Variants in ITPR1 observed in about 807,000 individuals in gnomAD.
ITPR1 encodes the protein inositol 1,4,5-trisphosphate receptor type 1.
A neutral mutation model predicts 318.4 loss-of-function variants in ITPR1; 96 were observed. The observed-to-expected ratio is 0.30, with a 90% CI of 0.26 to 0.36. The LOEUF is 0.36. Among genes scored for constraint, ITPR1 ranks in the 10% least tolerant of loss-of-function variants. The pLI, the probability that ITPR1 is intolerant of heterozygous loss-of-function variation, is 1.00. For missense variants in ITPR1, 2,440 were observed against 3,460.2 expected (o/e 0.71, Z 7.40); for synonymous variants, 1,312 against 1,289.9 (o/e 1.02, Z -0.37).
chr3:4,500,702 GT>G (rs1249061334), intron 2 of ITPR1, among the ~76,000 whole-genome samples: 1 of 152,088 alleles, frequency 6.6e-6, no homozygotes, highest in Non-Finnish European at 1.5e-5. Flanking sequence ...TTAAAAATTG[GT>G]TTTGGGTTTA....
At chr3:4,794,989 G>A (rs1190311670) in intron 52 of ITPR1, 76 bp from the exon 53 acceptor site, 25 of 1,465,544 alleles carry the variant, frequency 1.7e-5, no homozygotes, top group Admixed American at 9.3e-5. Context: ...CAGAGCTGGC[G>A]GAAGGGCCAC....
At chr3:4,570,862 C>G (rs937733241) in intron 4 of ITPR1, among the ~76,000 whole-genome samples, 1 of 152,184 alleles carries the variant, frequency 6.6e-6, no homozygotes, top group Non-Finnish European at 1.5e-5. Context: ...CATAGCAGTT[C>G]CAAAACCTCA....
chr3:4,593,083 C>T (rs2090516527), intron 4 of ITPR1, among the ~76,000 whole-genome samples: 1 of 152,126 alleles, frequency 6.6e-6, no homozygotes, highest in Non-Finnish European at 1.5e-5. Context: ...TTCAGCTCTT[C>T]TTTTTGTGTG....
intron 44 of ITPR1, among the ~76,000 whole-genome samples, chr3:4,753,110 T>C (rs2044670798): frequency 6.6e-6 from 1 of 152,168 alleles, no homozygotes. Flanking sequence ...CAAGAGTATT[T>C]CAGAAGAGGG....
At chr3:4,711,028 A>G (rs1268255811) in intron 38 of ITPR1, among the ~76,000 whole-genome samples, 1 of 152,120 alleles carries the variant, frequency 6.6e-6, no homozygotes, top group East Asian at 1.9e-4. Flanking sequence ...CCTGGCCAAC[A>G]TGGTGAAACC....
intron 4 of ITPR1, among the ~76,000 whole-genome samples, chr3:4,541,250 T>C (rs1559413114): frequency 6.6e-6 from 1 of 152,248 alleles, no homozygotes; most frequent in Non-Finnish European, 1.5e-5. Context: ...TCAAGCACAT[T>C]CTTAGAATTT....
At chr3:4,814,909 G>C in intron 58 of ITPR1, 144 bp from the exon 59 acceptor site, 1 of 721,472 alleles carries the variant, frequency 1.4e-6, no homozygotes, top group East Asian at 2.5e-5. Flanking sequence ...GACATGAAAA[G>C]AGATGCAGTT....
intron 44 of ITPR1, among the ~76,000 whole-genome samples, chr3:4,766,174 A>G (rs1186783831): frequency 1.3e-5 from 2 of 152,094 alleles, no homozygotes; most frequent in African/African-American, 4.8e-5. Flanking sequence ...CCCTGCAGTA[A>G]TCCCCCCAGA....
intron 32 of ITPR1, among the ~76,000 whole-genome samples, chr3:4,692,241 C>G (rs2094491943): frequency 6.6e-6 from 1 of 151,822 alleles, no homozygotes; most frequent in Non-Finnish European, 1.5e-5. Flanking sequence ...CATTACTTGA[C>G]CTTTCAACTC....
chr3:4,686,546 T>C (rs931595203), intron 30 of ITPR1, among the ~76,000 whole-genome samples: 1 of 152,218 alleles, frequency 6.6e-6, no homozygotes, highest in African/African-American at 2.4e-5. Context: ...GAGTTATGCC[T>C]TCATAGAGCA....
chr3:4,568,471 T>C (rs2087617174), intron 4 of ITPR1, among the ~76,000 whole-genome samples: 2 of 152,162 alleles, frequency 1.3e-5, no homozygotes, highest in African/African-American at 2.4e-5. Context: ...GGGAAGATAG[T>C]TGTGTGAAGA....
chr3:4,638,362 C>T (rs908904603), intron 5 of ITPR1, among the ~76,000 whole-genome samples: 1 of 152,204 alleles, frequency 6.6e-6, no homozygotes, highest in African/African-American at 2.4e-5. Flanking sequence ...TTGCTGACTG[C>T]CTGGGATGAA....
chr3:4,730,077 C>T (rs1475431647), intron 42 of ITPR1, among the ~76,000 whole-genome samples: 1 of 151,870 alleles, frequency 6.6e-6, no homozygotes. Flanking sequence ...CTGGCTCAAA[C>T]AGAATTTTCC....
In ITPR1 at chr3:4,493,472, AGAG is replaced by A. The variant is rs1163187019; in HGVS notation, c.-221_-219del. On this transcript the variant is annotated 5_prime_UTR_variant, in exon 1 of 62. Coordinates refer to ENST00000649015, the MANE Select transcript of ITPR1 (RefSeq NM_001378452.1). ...GTGGAGAGAGAGAAAGCGCACGCCG[AGAG>A]GAGGTGTGGGTGTTCCGCTTCCATC... The A allele has an allele frequency of 6.5e-6, 1 of 154,006 alleles. No individual in the cohort carries two copies. The highest frequency in any genetic ancestry group is 2.4e-5 in the African/African-American group (1 of 41,412). 9.5% of individuals were successfully genotyped at this position (154,006 alleles called of 1,614,324 possible).
intron 11 of ITPR1, among the ~76,000 whole-genome samples, chr3:4,652,967 G>A (rs1367445810): frequency 6.6e-6 from 1 of 152,114 alleles, no homozygotes; most frequent in Non-Finnish European, 1.5e-5. Flanking sequence ...CAGCTTGGGT[G>A]ACAGAATGAG....
chr3:4,812,041 T>C (rs1009156878), intron 56 of ITPR1, among the ~76,000 whole-genome samples: 7 of 33,660 alleles, frequency 2.1e-4, no homozygotes, highest in African/African-American at 5.5e-4. Flanking sequence ...ATGTATGTCT[T>C]TTTTTTTTTT....
intron 44 of ITPR1, among the ~76,000 whole-genome samples, chr3:4,747,591 G>T (rs1363042567): frequency 6.6e-6 from 1 of 152,236 alleles, no homozygotes; most frequent in Non-Finnish European, 1.5e-5. Flanking sequence ...CGAGTGGTCA[G>T]TGTATTTGCT....
chr3:4,531,964 T>C (rs1224080297), intron 4 of ITPR1, among the ~76,000 whole-genome samples: 1 of 152,210 alleles, frequency 6.6e-6, no homozygotes, highest in African/African-American at 2.4e-5. Context: ...CACTTTCTCA[T>C]CTGGAAAATG....
rs909647651 is a variant in ITPR1, at chr3:4,826,067, T to G, written c.8028+7825T>G. On this transcript the variant is annotated intron_variant, in intron 60 of 61. Transcript: ENST00000649015. The surrounding 1 kb of genome is among the most constrained non-coding windows in gnomAD (Gnocchi z 4.2). ...GGGCGAGTCCAACAGGGCGTGCACT[T>G]AACCCTGGTCTGACCTTTCTGCCCG... Among the ~76,000 whole-genome samples the G allele has an allele frequency of 6.6e-6, 1 of 152,220 alleles. No individual in the cohort carries two copies. The highest frequency in any genetic ancestry group is 2.4e-5 in the African/African-American group (1 of 41,458).
Sources: allele counts gnomAD v4.1 joint callset (sites outside exome capture counted in the v4.1 genomes callset), GRCh38; gene constraint gnomAD v4.1.1; non-coding constraint Gnocchi (gnomAD v3.1); transcripts MANE v1.5; gene names NCBI Gene and HGNC (gene_info 2026-07-23, HGNC 2026-07-21).